ADAMTS8: variants seen among roughly 807,000 people sequenced by gnomAD.
The protein encoded by ADAMTS8 is A disintegrin and metalloproteinase with thrombospondin motifs 8.
In ADAMTS8, 50 loss-of-function variants were observed where a neutral mutation model predicts 64.4. The ratio of observed to expected loss-of-function variants is 0.78; its 90% CI spans 0.62 to 0.98. ADAMTS8 has a LOEUF of 0.98. ADAMTS8 is among the 50% of genes least tolerant of loss of function. ADAMTS8 has a pLI of 0.00. For missense variants in ADAMTS8, 1,192 were observed against 1,208.2 expected (o/e 0.99, Z 0.20); for synonymous variants, 556 against 533.6 (o/e 1.04, Z -0.58).
chr11:130,414,573 T>A lies in ADAMTS8; in HGVS notation c.1524A>T (p.Ser508=). The A allele has an allele frequency of 6.2e-7, 1 of 1,610,804 alleles. No individual in the cohort carries two copies. Among genetic ancestry groups the A allele is most frequent in the Non-Finnish European group, 8.5e-7 (1 of 1,178,052 alleles). Residue 508 remains serine (S), a synonymous_variant, in exon 5 of 9, where the codon TCA becomes TCT. Transcript: ENST00000257359. ...CCTCCTCAGGTAGACAGCTGCCTTC[T>A]GAGCAGAGGTGCCCAGGCCCGCACG... ...GTPCGPGHLC[S]EGSCLPEEEV...
At chr11:130,422,695 G>A (rs1335422151) in intron 1 of ADAMTS8, among the ~76,000 whole-genome samples, 1 of 152,230 alleles carries the variant, frequency 6.6e-6, no homozygotes, top group Non-Finnish European at 1.5e-5. Flanking sequence ...GCAGCAAAGA[G>A]CAATGTTGTC....
In ADAMTS8 at chr11:130,405,250, AACAG is replaced by A. The variant is rs1435071269; in HGVS notation, c.*304_*307del. The A allele has an allele frequency of 8.6e-7, 1 of 1,159,174 alleles. No individual in the cohort carries two copies. Among genetic ancestry groups the A allele is most frequent in the African/African-American group, 1.6e-5 (1 of 62,970 alleles). 71.8% of individuals were successfully genotyped at this position (1,159,174 alleles called of 1,614,324 possible). On this transcript the variant is annotated 3_prime_UTR_variant, in exon 9 of 9. Coordinates refer to ENST00000257359, the MANE Select transcript of ADAMTS8 (RefSeq NM_007037.6). ...CATTTAAGTTTGCTAGTCCTTTGCA[AACAG>A]ACTGACGCTGAGTGTCCTGTCTGAG...
chr11:130,427,896 C>A lies in ADAMTS8; in HGVS notation c.391G>T (p.Glu131Ter). 2 of 1,534,208 alleles carry A rather than the reference C, an allele frequency of 1.3e-6. No individual in the cohort carries two copies. Among genetic ancestry groups the A allele is most frequent in the Non-Finnish European group, 1.7e-6 (2 of 1,146,134 alleles). The change falls in exon 1 of 9, where the codon GAG becomes TAG. Residue 131 changes from glutamate to a stop codon, truncating the protein, a stop_gained. Transcript: ENST00000257359. LOFTEE classifies it high-confidence loss of function. ...GLSGSFLLDG[E>*]EFTIQPQGAG... Reference sequence around the variant, plus strand: ...CCCTGCGGCTGGATGGTGAACTCCTCGCCGTCCAGCAGGAAGGAGCCGCTC... The same window carrying A: ...CCCTGCGGCTGGATGGTGAACTCCTAGCCGTCCAGCAGGAAGGAGCCGCTC...
chr11:130,405,762 T>C lies in ADAMTS8; in HGVS notation c.2466A>G (p.Arg822=), dbSNP rs1193343632. ...GCGGCTGGATGATGTTGGTGGTTGC[T>C]CTCTCTTTGCTGCTCTGCATGCTAA... The part of the protein sequence containing the change: ...VDFSMQSSKE[R]ATTNIIQPLL... The change falls in exon 9 of 9, where the codon AGA becomes AGG. Residue 822 remains arginine, a synonymous_variant. Transcript: ENST00000257359. 5 of 1,614,140 alleles carry C rather than the reference T, an allele frequency of 3.1e-6. No homozygotes were observed. The South Asian group carries it at 5.5e-5, about 18-fold the overall frequency.
Position 130,416,239 on chromosome 11 carries a change from G to A in ADAMTS8, c.1188C>T (p.Phe396=), listed in dbSNP as rs372855538. Residue 396 remains phenylalanine (F), a synonymous_variant, in exon 4 of 9, where the codon TTC becomes TTT. Transcript: ENST00000257359. This position sits in a 1 kb window ranked among gnomAD's most constrained non-coding sequence, Gnocchi z 4.8. ...AGGGCAGCGTCTGGTTCAGGTGGAC[G>A]AACAGCGGTGCCATCACGTGGTGCT... ...MGKHHVMAPL[F]VHLNQTLPWS... 572 of 1,589,836 alleles carry A rather than the reference G, an allele frequency of 3.6e-4. 1 individual carries two copies. Among genetic ancestry groups the A allele is most frequent in the Non-Finnish European group, 2.0e-4 (237 of 1,168,964 alleles).
chr11:130,427,985 A>C lies in ADAMTS8; in HGVS notation c.302T>G (p.Phe101Cys), dbSNP rs1334231373. The part of the protein sequence containing the change: ...TGGERGLRGC[F>C]FSGTVNGEPE... ...CTCCCCATTCACGGTGCCGGAGAAG[A>C]AGCAGCCGCGCAGCCCCCGCTCGCC... Residue 101 changes from phenylalanine to cysteine, a missense_variant, in exon 1 of 9, where the codon TTC (phenylalanine) becomes TGC (cysteine). Transcript: ENST00000257359. 20 of 1,529,568 alleles carry C rather than the reference A, an allele frequency of 1.3e-5. No homozygotes were observed. Among genetic ancestry groups the C allele is most frequent in the African/African-American group, 2.8e-5 (2 of 71,754 alleles). The allele number at this position is 1,529,568 out of a possible 1,614,324, so 94.7% of individuals were successfully genotyped here.
intron 1 of ADAMTS8, among the ~76,000 whole-genome samples, chr11:130,421,580 G>T (rs766638416): frequency 1.3e-5 from 2 of 152,160 alleles, no homozygotes; most frequent in Non-Finnish European, 2.9e-5. Flanking sequence ...CCCAGATCCC[G>T]ATCCCACTGA....
intron 1 of ADAMTS8, among the ~76,000 whole-genome samples, chr11:130,427,181 G>A (rs1372457432): frequency 6.6e-6 from 1 of 152,264 alleles, no homozygotes. Flanking sequence ...GGGAGTGGGA[G>A]CTATTCGTAA....
At position 130,428,288 on chromosome 11, in the gene ADAMTS8, G is replaced by A; in HGVS notation, c.-2C>T. On this transcript the variant is annotated 5_prime_UTR_variant, in exon 1 of 9. Coordinates refer to ENST00000257359, the MANE Select transcript of ADAMTS8 (RefSeq NM_007037.6). ...GGGGGCGGCGGGGGCGGGGAGCATG[G>A]GGGCTGCGGCGGTGGCTGCGCGCAG... The A allele has an allele frequency of 8.2e-7, 1 of 1,225,312 alleles. No homozygotes were observed. Among genetic ancestry groups the A allele is most frequent in the Non-Finnish European group, 1.0e-6 (1 of 982,938 alleles). 75.9% of individuals were successfully genotyped at this position (1,225,312 alleles called of 1,614,324 possible). A position where few individuals can be genotyped will look rare whatever the true frequency, so the allele number is the denominator to read the frequency against.
In ADAMTS8 at chr11:130,411,483, C is replaced by T. The variant is rs775228337; in HGVS notation, c.1684G>A (p.Gly562Arg). Residue 562 changes from glycine (G) to arginine (R), a missense_variant, in exon 6 of 9, where the codon GGA (glycine) becomes AGA (arginine). By Grantham distance (125) the Gly-to-Arg change is moderately radical. Around this residue, in one of 5 missense-constraint regions of ADAMTS8, gnomAD observed 290 missense variants for 297.8 expected, o/e 0.97. Coordinates refer to ENST00000257359, the MANE Select transcript of ADAMTS8 (RefSeq NM_007037.6). The surrounding 1 kb of genome is among the most constrained non-coding windows in gnomAD (Gnocchi z 4.2). ...ECKDPEPQNG[G>R]RYCLGRRAKY... The stretch of plus-strand genomic sequence containing the variant: ...GCTCTCCGACCCAGGCAGTATCTTC[C>T]TCCATTCTGAGGCTCGGGGTCCTTG... The T allele has an allele frequency of 1.9e-6, 3 of 1,614,186 alleles. No individual in the cohort carries two copies. The highest frequency in any genetic ancestry group is 1.1e-5 in the South Asian group (1 of 91,084).
intron 1 of ADAMTS8, among the ~76,000 whole-genome samples, chr11:130,423,312 T>C (rs1444551300): frequency 6.6e-6 from 1 of 152,186 alleles, no homozygotes; most frequent in Non-Finnish European, 1.5e-5. Context: ...ACATAAGGGA[T>C]GGAAAAGATG....
chr11:130,409,722 C>T (rs867929570), intron 6 of ADAMTS8, among the ~76,000 whole-genome samples: 5 of 152,252 alleles, frequency 3.3e-5, no homozygotes, highest in Admixed American at 2.0e-4. Context: ...CATCCTGCCA[C>T]GTGCTGCTGC....
At position 130,428,218 on chromosome 11, in the gene ADAMTS8, C is replaced by T. The variant is rs1862206810; in HGVS notation, c.69G>A (p.Leu23=). Residue 23 remains leucine, a synonymous_variant, in exon 1 of 9, where the codon CTG becomes CTA. Coordinates refer to ENST00000257359, the MANE Select transcript of ADAMTS8 (RefSeq NM_007037.6). ...CGGGCCGGGCCGGGGCGCCGCGGGCCAGCGGCAGCAGCAGCAGCAGCAGCA... is the reference window on the plus strand; with the variant it reads ...CGGGCCGGGCCGGGGCGCCGCGGGCTAGCGGCAGCAGCAGCAGCAGCAGCA... The part of the protein sequence containing the change: ...LLLLLLLLLP[L]ARGAPARPAA... 1.7e-6 allele frequency: 2 copies of T among 1,192,736 alleles called. No homozygotes were observed. The highest frequency in any genetic ancestry group is 1.0e-6 in the Non-Finnish European group (1 of 972,784). The allele number at this position is 1,192,736 out of a possible 1,614,324, so 73.9% of individuals were successfully genotyped here.
intron 1 of ADAMTS8, among the ~76,000 whole-genome samples, chr11:130,421,497 C>T (rs1051086392): frequency 9.2e-5 from 14 of 152,114 alleles, no homozygotes; most frequent in Admixed American, 4.6e-4. Context: ...TCCTTCTGGC[C>T]GCTGTCTCAG....
Position 130,416,486 on chromosome 11 carries a change from A to G in ADAMTS8, c.1097-156T>C, listed in dbSNP as rs1462939109. Among the ~76,000 whole-genome samples the G allele has an allele frequency of 6.6e-6, 1 of 152,244 alleles. No individual in the cohort carries two copies. The highest frequency in any genetic ancestry group is 1.5e-5 in the Non-Finnish European group (1 of 68,034). On this transcript the variant is annotated intron_variant, in intron 3 of 8. Coordinates refer to ENST00000257359, the MANE Select transcript of ADAMTS8 (RefSeq NM_007037.6). The surrounding 1 kb of genome is among the most constrained non-coding windows in gnomAD (Gnocchi z 4.8). ...GCTTTCCCCTGCGCTTTGCTCTTCC[A>G]GGACGCGTTCTCAGATGACTAAGAA...
chr11:130,417,793 C>T (rs753920518), intron 2 of ADAMTS8, among the ~76,000 whole-genome samples: 4 of 152,128 alleles, frequency 2.6e-5, no homozygotes, highest in Non-Finnish European at 4.4e-5. Flanking sequence ...CTAGTGGCCT[C>T]GCTTTATTGG....
chr11:130,408,679 G>A (rs758106653), intron 7 of ADAMTS8, 40 bp from the exon 8 acceptor site: 2 of 1,612,462 alleles, frequency 1.2e-6, no homozygotes, highest in Non-Finnish European at 1.7e-6. Flanking sequence ...GGCGTGTTGA[G>A]CACAGAAGCA....
rs750163936 is a variant in ADAMTS8, at chr11:130,411,502, G to T, written c.1665C>A (p.Asp555Glu). The T allele has an allele frequency of 3.1e-6, 5 of 1,614,036 alleles. No individual in the cohort carries two copies. Among genetic ancestry groups the T allele is most frequent in the Non-Finnish European group, 3.4e-6 (4 of 1,180,036 alleles). ...ATCTTCCTCCATTCTGAGGCTCGGG[G>T]TCCTTGCACTCACGGTGTGAAAACT... ...GVQFSHRECK[D>E]PEPQNGGRYC... The change falls in exon 6 of 9, where the codon GAC becomes GAA. Residue 555 changes from aspartate to glutamate, a missense_variant. Around this residue, in one of 5 missense-constraint regions of ADAMTS8, gnomAD observed 290 missense variants for 297.8 expected, o/e 0.97. Coordinates refer to ENST00000257359, the MANE Select transcript of ADAMTS8 (RefSeq NM_007037.6). This position sits in a 1 kb window ranked among gnomAD's most constrained non-coding sequence, Gnocchi z 4.2.
chr11:130,422,149 T>C (rs1162872962), intron 1 of ADAMTS8, among the ~76,000 whole-genome samples: 1 of 151,964 alleles, frequency 6.6e-6, no homozygotes, highest in African/African-American at 2.4e-5. Context: ...GGAGTAGAGA[T>C]GAACATCAGG....
Sources: gnomAD v4.1 joint callset for allele counts (sites outside exome capture counted in the v4.1 genomes callset) on GRCh38, gnomAD v4.1.1 for gene constraint, gnomAD v4.1.1 regional missense constraint, Gnocchi (gnomAD v3.1) non-coding constraint, MANE v1.5 for transcripts, NCBI Gene and HGNC (gene_info 2026-07-23, HGNC 2026-07-21) for gene names.